The following ZAP70 variants were observed in gnomAD, a reference collection of about 807,000 sequenced individuals.
ZAP70 encodes zeta chain of T cell receptor associated protein kinase 70.
A neutral mutation model predicts 65.8 loss-of-function variants in ZAP70; 27 were observed. The observed-to-expected ratio is 0.41, with a 90% CI of 0.30 to 0.57. The LOEUF is 0.57. Ranked by LOEUF, ZAP70 falls within the 20% of genes least tolerant of loss-of-function variation. The pLI, the probability that ZAP70 is intolerant of heterozygous loss-of-function variation, is 0.28. For missense variants in ZAP70, 696 were observed against 870.5 expected (o/e 0.80, Z 2.52); for synonymous variants, 363 against 360.8 (o/e 1.01, Z -0.07).
Position 97,733,615 on chromosome 2 carries a change from G to C in ZAP70, c.889+20G>C, listed in dbSNP as rs544647865. ...AGCCAGGTGAGCGGGCAGAGGTGGGGACGCGGGTTGGGGCTCATGCTGAGC... is the reference window on the plus strand; with the variant it reads ...AGCCAGGTGAGCGGGCAGAGGTGGGCACGCGGGTTGGGGCTCATGCTGAGC... On this transcript the variant is annotated intron_variant, in intron 8 of 13. Coordinates refer to ENST00000264972, the MANE Select transcript of ZAP70 (RefSeq NM_001079.4). 8.1e-6 allele frequency: 13 copies of C among 1,613,444 alleles called. No individual in the cohort carries two copies. In the African/African-American group the frequency reaches 1.7e-4, roughly 22 times the overall value.
chr2:97,721,973 C>T (rs773814227), intron 2 of ZAP70, among the ~76,000 whole-genome samples: 12 of 151,960 alleles, frequency 7.9e-5, no homozygotes, highest in Admixed American at 4.6e-4. Flanking sequence ...TTAGTAGAGA[C>T]GGGGTTTCAC....
chr2:97,735,386 G>T lies in ZAP70; in HGVS notation c.1219G>T (p.Ala407Ser). The T allele has an allele frequency of 6.2e-7, 1 of 1,614,074 alleles. No individual in the cohort carries two copies. The highest frequency in any genetic ancestry group is 8.5e-7 in the Non-Finnish European group (1 of 1,179,960). Residue 407 changes from alanine (A) to serine (S), a missense_variant, in exon 10 of 14, where the codon GCC becomes TCC. By Grantham distance (99) the Ala-to-Ser change is moderately conservative. Around this residue, in one of 3 missense-constraint regions of ZAP70, gnomAD observed 551 missense variants for 630.0 expected, o/e 0.87. Transcript: ENST00000264972. Reference protein sequence around the residue: ...YIVRLIGVCQAEALMLVMEMA... With the variant: ...YIVRLIGVCQSEALMLVMEMA... The stretch of plus-strand genomic sequence containing the variant: ...CGTGCGGCTCATTGGCGTCTGCCAG[G>T]CCGAGGCCCTCATGCTGGTCATGGA...
In ZAP70 at chr2:97,738,078, C is replaced by T. The variant is rs756091195; in HGVS notation, c.1707C>T (p.Tyr569=). The change falls in exon 13 of 14, where the codon TAC becomes TAT. Residue 569 remains tyrosine (Y), a synonymous_variant. Coordinates refer to ENST00000264972, the MANE Select transcript of ZAP70 (RefSeq NM_001079.4). The stretch of plus-strand genomic sequence containing the variant: ...CACCAGAGTGTCCACCCGAACTGTA[C>T]GCACTCATGAGTGACTGCTGGATCT... ...ECPPECPPEL[Y]ALMSDCWIYK... is the part of the protein sequence containing the mutation. 1.6e-5 allele frequency: 25 copies of T among 1,608,018 alleles called. No homozygotes were observed. Among genetic ancestry groups the T allele is most frequent in the South Asian group, 5.5e-5 (5 of 90,134 alleles).
chr2:97,736,343 C>T lies in ZAP70; in HGVS notation c.1289+887C>T, dbSNP rs191415569. On this transcript the variant is annotated intron_variant, in intron 10 of 13. Coordinates refer to ENST00000264972, the MANE Select transcript of ZAP70 (RefSeq NM_001079.4). This position sits in a 1 kb window ranked among gnomAD's most constrained non-coding sequence, Gnocchi z 4.0. ...CCTCACAGACACAAGTTCTGCACTCCCCAAGGCACGTTTTTGCTGATCTGT... is the reference window on the plus strand; with the variant it reads ...CCTCACAGACACAAGTTCTGCACTCTCCAAGGCACGTTTTTGCTGATCTGT... Among the ~76,000 whole-genome samples, 1 of 152,150 alleles carries T rather than the reference C, an allele frequency of 6.6e-6. No individual in the cohort carries two copies. Among genetic ancestry groups the T allele is most frequent in the Admixed American group, 6.5e-5 (1 of 15,288 alleles).
intron 4 of ZAP70, among the ~76,000 whole-genome samples, chr2:97,728,332 G>A (rs751411240): frequency 4.6e-5 from 7 of 152,250 alleles, no homozygotes; most frequent in Non-Finnish European, 1.0e-4. Context: ...ACAGCATAGA[G>A]CGTGTGGCTG....
At position 97,729,275 on chromosome 2, in the gene ZAP70, G is replaced by A. The variant is rs373091931; in HGVS notation, c.564-3608G>A. On this transcript the variant is annotated intron_variant, in intron 4 of 13. Coordinates refer to ENST00000264972, the MANE Select transcript of ZAP70 (RefSeq NM_001079.4). ...ATACATAAGGAAACCGAGGCACAGC[G>A]AGGATAAGCAGTTTATTCAGGGTTT... is the stretch of plus-strand genomic sequence containing the variant. Among the ~76,000 whole-genome samples, 98 of 152,342 alleles carry A rather than the reference G, an allele frequency of 6.4e-4. 1 individual carries two copies. The highest frequency in any genetic ancestry group is 2.2e-3 in the African/African-American group (93 of 41,576).
chr2:97,734,649 C>G lies in ZAP70; in HGVS notation c.1019C>G (p.Ala340Gly), dbSNP rs1677770754. The G allele has an allele frequency of 1.2e-6, 2 of 1,614,226 alleles. No homozygotes were observed. Among genetic ancestry groups the G allele is most frequent in the African/African-American group, 1.3e-5 (1 of 75,078 alleles). The change falls in exon 9 of 14, where the codon GCT becomes GGT. Residue 340 changes from alanine (A) to glycine (G), a missense_variant. This residue lies in a region of ZAP70 where 551 missense variants were observed against 630.0 expected (regional missense o/e 0.87). Transcript: ENST00000264972. ...CTGAAGCGCGATAACCTCCTCATAG[C>G]TGACATTGAACTTGGCTGCGGCAAC... is the stretch of plus-strand genomic sequence containing the variant. Reference protein sequence around the residue: ...LFLKRDNLLIADIELGCGNFG... With the variant: ...LFLKRDNLLIGDIELGCGNFG...
intron 4 of ZAP70, among the ~76,000 whole-genome samples, chr2:97,732,056 T>C (rs549009094): frequency 6.6e-6 from 1 of 152,060 alleles, no homozygotes; most frequent in Non-Finnish European, 1.5e-5. Context: ...ACTAAGTTGG[T>C]CTGTGTTGAG....
chr2:97,747,815 GTTTTTTTTTTTTTTT>G, the ZAP70 span, among the ~76,000 whole-genome samples: 38 of 54,800 alleles, frequency 6.9e-4, no homozygotes, highest in East Asian at 3.3e-3. Flanking sequence ...CTGGCACGAG[GTTTTTTTTTTTTTTT>G]TTTTTTTTTT....
chr2:97,717,003 A>G (rs1676943860), intron 2 of ZAP70, among the ~76,000 whole-genome samples: 1 of 152,238 alleles, frequency 6.6e-6, no homozygotes, highest in African/African-American at 2.4e-5. Context: ...CAATCCCTGC[A>G]GTCAGGAAAG....
Position 97,734,617 on chromosome 2 carries a change from G to A in ZAP70, c.987G>A (p.Lys329=), listed in dbSNP as rs1677767181. Residue 329 remains lysine, a synonymous_variant, in exon 9 of 14, where the codon AAG becomes AAA. Coordinates refer to ENST00000264972, the MANE Select transcript of ZAP70 (RefSeq NM_001079.4). ...ACCCAGAGGAGCTCAAGGACAAGAA[G>A]CTCTTCCTGAAGCGCGATAACCTCC... The part of the protein sequence containing the change: ...YSDPEELKDK[K]LFLKRDNLLI... 6.2e-7 allele frequency: 1 copy of A among 1,614,232 alleles called. No individual in the cohort carries two copies. Among genetic ancestry groups the A allele is most frequent in the Non-Finnish European group, 8.5e-7 (1 of 1,180,030 alleles).
At chr2:97,733,758 C>A in intron 8 of ZAP70, 163 bp downstream of exon 8, 1 of 809,530 alleles carries the variant, frequency 1.2e-6, no homozygotes, top group Non-Finnish European at 2.1e-6. Flanking sequence ...ACCCATCACA[C>A]CTGCCTGTGC....
chr2:97,732,927 T>C lies in ZAP70; in HGVS notation c.608T>C (p.Ile203Thr). The C allele has an allele frequency of 6.2e-7, 1 of 1,614,028 alleles. No individual in the cohort carries two copies. Among genetic ancestry groups the C allele is most frequent in the Non-Finnish European group, 8.5e-7 (1 of 1,180,006 alleles). The change falls in exon 5 of 14, where the codon ATC (isoleucine) becomes ACC (threonine). Residue 203 changes from isoleucine (I) to threonine (T), a missense_variant. Physicochemically the swap from Ile to Thr is moderately conservative, Grantham distance 89 (BLOSUM62 -1). This residue lies in a region of ZAP70 where 551 missense variants were observed against 630.0 expected (regional missense o/e 0.87). Coordinates refer to ENST00000264972, the MANE Select transcript of ZAP70 (RefSeq NM_001079.4). ...KEQGTYALSL[I>T]YGKTVYHYLI... ...CAGGGCACATACGCCCTGTCCCTCA[T>C]CTATGGGAAGACGGTGTACCACTAC...
intron 13 of ZAP70, 102 bp downstream of exon 13, chr2:97,738,209 C>G: frequency 8.5e-7 from 1 of 1,177,430 alleles, no homozygotes; most frequent in Non-Finnish European, 1.2e-6. Flanking sequence ...TCATCTCACC[C>G]AAAGCCCTTC....
Position 97,734,865 on chromosome 2 carries a change from CCT to C in ZAP70, c.1082+154_1082+155del, listed in dbSNP as rs1350293746. 4.6e-6 allele frequency: 5 copies of C among 1,076,924 alleles called. No homozygotes were observed. The Admixed American group carries it at 6.3e-5, about 14-fold the overall frequency. 66.7% of individuals were successfully genotyped at this position (1,076,924 alleles called of 1,614,324 possible). A position where few individuals can be genotyped will look rare whatever the true frequency, so the allele number is the denominator to read the frequency against. On this transcript the variant is annotated intron_variant, in intron 9 of 13. Transcript: ENST00000264972. ...CAGGACGTTGCACGCTGGAGGATTC[CCT>C]GAGAGAGCTCGGGACACCTGACGGG...
chr2:97,741,858 G>A (rs138703162), downstream of ZAP70, among the ~76,000 whole-genome samples: 190 of 152,334 alleles, frequency 1.2e-3, 1 homozygote, highest in African/African-American at 4.4e-3. Flanking sequence ...GAGGCACACA[G>A]GCTCAGGGTG....
rs531121007 is a variant in ZAP70, at chr2:97,724,036, G to A, written c.-1G>A. 9.0e-6 allele frequency: 14 copies of A among 1,549,312 alleles called. No homozygotes were observed. The South Asian group carries it at 1.4e-4, about 16-fold the overall frequency. ...CGCAGGTTTCGGGAGGCCCAGGGGC[G>A]ATGCCAGACCCCGCGGCGCACCTGC... is the stretch of plus-strand genomic sequence containing the variant. On this transcript the variant is annotated 5_prime_UTR_variant, in exon 3 of 14. Transcript: ENST00000264972.
the ZAP70 span, among the ~76,000 whole-genome samples, chr2:97,751,939 C>T: frequency 6.6e-6 from 1 of 152,178 alleles, no homozygotes; most frequent in Non-Finnish European, 1.5e-5. Context: ...TCCACCAAGC[C>T]CCACCTTCCA....
In ZAP70 at chr2:97,733,000, C is replaced by T. The variant is rs200278286; in HGVS notation, c.681C>T (p.Thr227=). The part of the protein sequence containing the change: ...KAGKYCIPEG[T]KFDTLWQLVE... ...GCAAGTACTGCATTCCCGAGGGCACCAAGTTTGACACGCTCTGGCAGGTAG... is the reference window on the plus strand; with the variant it reads ...GCAAGTACTGCATTCCCGAGGGCACTAAGTTTGACACGCTCTGGCAGGTAG... Residue 227 remains threonine (T), a synonymous_variant, in exon 5 of 14, where the codon ACC becomes ACT. Transcript: ENST00000264972. The T allele has an allele frequency of 7.4e-5, 120 of 1,613,986 alleles. No individual in the cohort carries two copies. Among genetic ancestry groups the T allele is most frequent in the Non-Finnish European group, 1.0e-4 (118 of 1,180,048 alleles).
Sources: gnomAD v4.1 joint callset for allele counts (sites outside exome capture counted in the v4.1 genomes callset) on GRCh38, gnomAD v4.1.1 for gene constraint, gnomAD v4.1.1 regional missense constraint, Gnocchi (gnomAD v3.1) non-coding constraint, MANE v1.5 for transcripts, NCBI Gene and HGNC (gene_info 2026-07-23, HGNC 2026-07-21) for gene names.